The following CCDC88A variants were observed in gnomAD, a reference collection of about 807,000 sequenced individuals.
CCDC88A encodes coiled-coil and HOOK domain protein 88A, also known as girdin.
In CCDC88A, 54 loss-of-function variants were observed where a neutral mutation model predicts 234.3. The observed-to-expected ratio is 0.23, with a 90% CI of 0.19 to 0.29. CCDC88A has a LOEUF of 0.29. Ranked by LOEUF, CCDC88A falls within the 10% of genes least tolerant of loss-of-function variation. The pLI is 1.00. For synonymous variants in CCDC88A, 753 were observed against 737.8 expected, an observed-to-expected ratio of 1.02 and a Z score of -0.33; for missense variants, 1,832 against 2,123.4, an observed-to-expected ratio of 0.86 and a Z score of 2.70.
chr2:55,327,096 A>G (rs1345959719), intron 17 of CCDC88A, among the ~76,000 whole-genome samples: 1 of 152,162 alleles, frequency 6.6e-6, no homozygotes, highest in African/African-American at 2.4e-5. Flanking sequence ...CAGTTCTAAA[A>G]TTTATTCTCT....
At chr2:55,306,279 T>G (rs1681555978) in intron 25 of CCDC88A, 1 of 152,140 alleles carries the variant, frequency 6.6e-6, no homozygotes, top group African/African-American at 2.4e-5. Flanking sequence ...AATTAAGTTA[T>G]CTGCCATCTT....
At chr2:55,410,949 G>C (rs1326127378) in intron 2 of CCDC88A, among the ~76,000 whole-genome samples, 2 of 151,292 alleles carry the variant, frequency 1.3e-5, no homozygotes, top group Non-Finnish European at 2.9e-5. Context: ...CATAAAAATA[G>C]AATCAGGAAT....
intron 15 of CCDC88A, among the ~76,000 whole-genome samples, chr2:55,333,049 C>T (rs532439153): frequency 1.3e-5 from 2 of 152,208 alleles, no homozygotes; most frequent in East Asian, 1.9e-4. Flanking sequence ...GACTATAATA[C>T]TTCTCTCCCA....
chr2:55,388,548 TA>T (rs1676091108), intron 3 of CCDC88A: 1 of 237,936 alleles, frequency 4.2e-6, no homozygotes, highest in African/African-American at 2.3e-5. Flanking sequence ...ACCTGATTTT[TA>T]AAACATAAAA....
intron 17 of CCDC88A, chr2:55,323,060 T>G (rs1162926547): frequency 6.4e-6 from 1 of 156,112 alleles, no homozygotes; most frequent in Non-Finnish European, 1.4e-5. Flanking sequence ...ATTTGACACT[T>G]TATTAATTTT....
At chr2:55,385,971 C>T (rs1270965797) in intron 3 of CCDC88A, among the ~76,000 whole-genome samples, 1 of 151,374 alleles carries the variant, frequency 6.6e-6, no homozygotes, top group Non-Finnish European at 1.5e-5. Context: ...CACCTGTAAT[C>T]CCAACACTTT....
intron 25 of CCDC88A, among the ~76,000 whole-genome samples, chr2:55,307,597 C>T (rs938575734): frequency 5.9e-5 from 9 of 151,716 alleles, no homozygotes; most frequent in East Asian, 5.8e-4. Context: ...TCAGGTGATC[C>T]GCCCGCCTCG....
Position 55,305,659 on chromosome 2 carries a change from C to T in CCDC88A, c.4388-2507G>A, listed in dbSNP as rs187977284. On this transcript the variant is annotated intron_variant, in intron 25 of 32. Coordinates refer to ENST00000436346, the MANE Select transcript of CCDC88A (RefSeq NM_001365480.1). The stretch of plus-strand genomic sequence containing the variant: ...GCCAGGAGTTTGAGACCAGTCTGGG[C>T]TTAATAAGTGAGACCCTGTCTCTAA... Among the ~76,000 whole-genome samples the T allele has an allele frequency of 5.5e-4, 84 of 152,210 alleles. 1 individual carries two copies. The East Asian group carries it at 0.014, about 24-fold the overall frequency.
chr2:55,363,190 T>C (rs1470050984), intron 6 of CCDC88A, among the ~76,000 whole-genome samples: 1 of 151,954 alleles, frequency 6.6e-6, no homozygotes, highest in Non-Finnish European at 1.5e-5. Flanking sequence ...TTATTGTTGA[T>C]AATAATGTTA....
At chr2:55,347,837 C>A (rs1251378611) in intron 9 of CCDC88A, among the ~76,000 whole-genome samples, 1 of 152,014 alleles carries the variant, frequency 6.6e-6, no homozygotes, top group Non-Finnish European at 1.5e-5. Flanking sequence ...GTCTTCAATT[C>A]CTGGCCTCAA....
At chr2:55,402,929 A>G (rs1249610218) in intron 2 of CCDC88A, among the ~76,000 whole-genome samples, 1 of 152,078 alleles carries the variant, frequency 6.6e-6, no homozygotes, top group Non-Finnish European at 1.5e-5. Flanking sequence ...GAATGGCGTG[A>G]ACCCAGGAGG....
At chr2:55,395,947 C>T (rs539601333) in intron 2 of CCDC88A, among the ~76,000 whole-genome samples, 81 of 152,258 alleles carry the variant, frequency 5.3e-4, no homozygotes, top group Non-Finnish European at 1.0e-3. Flanking sequence ...AACAAGGAGA[C>T]TATATTGTAG....
intron 2 of CCDC88A, among the ~76,000 whole-genome samples, chr2:55,400,777 G>A (rs11125567): frequency 0.51 from 76,787 of 151,968 alleles, 21,489 homozygotes; most frequent in Admixed American, 0.63. Flanking sequence ...ATGTCCTCTT[G>A]GACCATCTGT....
chr2:55,405,861 TA>T (rs1226236819), intron 2 of CCDC88A: 18 of 148,578 alleles, frequency 1.2e-4, no homozygotes, highest in Non-Finnish European at 9.0e-5. Context: ...ATACTTAAGT[TA>T]AAAAAAAAAG....
intron 3 of CCDC88A, among the ~76,000 whole-genome samples, chr2:55,384,558 TAC>T (rs67591521): frequency 0.041 from 2,226 of 54,686 alleles, 572 homozygotes; most frequent in Middle Eastern, 0.092. Flanking sequence ...TGTGTATATA[TAC>T]ACATATATAC....
At chr2:55,361,747 G>A (rs1671351155) in intron 7 of CCDC88A, among the ~76,000 whole-genome samples, 1 of 152,174 alleles carries the variant, frequency 6.6e-6, no homozygotes. Flanking sequence ...CTTTCAGACA[G>A]TGCAGATAGA....
chr2:55,365,694 G>A (rs1671848008), intron 5 of CCDC88A, among the ~76,000 whole-genome samples: 1 of 152,102 alleles, frequency 6.6e-6, no homozygotes, highest in South Asian at 2.1e-4. Context: ...TAGAAGCTAA[G>A]CATTCTCAAA....
chr2:55,412,483 TCAA>T (rs1680666993), intron 2 of CCDC88A, among the ~76,000 whole-genome samples: 1 of 152,176 alleles, frequency 6.6e-6, no homozygotes, highest in Admixed American at 6.5e-5. Context: ...TCCTGTCAGA[TCAA>T]CAACAGCATT....
rs1681901182 is a variant in CCDC88A, at chr2:55,418,929, G to A, written c.64-13C>T. 1.2e-6 allele frequency: 2 copies of A among 1,610,592 alleles called. No individual in the cohort carries two copies. Among genetic ancestry groups the A allele is most frequent in the African/African-American group, 1.3e-5 (1 of 74,814 alleles). On this transcript the variant is annotated splice_polypyrimidine_tract_variant and intron_variant, in intron 1 of 32. Coordinates refer to ENST00000436346, the MANE Select transcript of CCDC88A (RefSeq NM_001365480.1). ...CAAACGTTTTAACCTAGAACAAACA[G>A]AAGGATCACCACGACATGAACGCCC... is the stretch of plus-strand genomic sequence containing the variant.
Sources: allele counts gnomAD v4.1 joint callset (sites outside exome capture counted in the v4.1 genomes callset), GRCh38; gene constraint gnomAD v4.1.1; transcripts MANE v1.5; gene names NCBI Gene and HGNC (gene_info 2026-07-23, HGNC 2026-07-21).